The following SDC3 variants were observed in gnomAD, a reference collection of about 807,000 sequenced individuals.
SDC3 encodes syndecan 3.
SDC3 carries 13 observed loss-of-function variants against 24.4 expected under a neutral mutation model. The ratio of observed to expected loss-of-function variants is 0.53; its 90% CI spans 0.35 to 0.85. The LOEUF is 0.85. SDC3 is among the 40% of genes least tolerant of loss of function. The pLI is 0.01. For missense variants in SDC3, 571 were observed against 584.5 expected, an observed-to-expected ratio of 0.98 and a Z score of 0.24; for synonymous variants, 295 against 260.9, an observed-to-expected ratio of 1.13 and a Z score of -1.26.
chr1:30,894,161 GTGT>G (rs1639949976), intron 1 of SDC3, among the ~76,000 whole-genome samples: 1 of 142,186 alleles, frequency 7.0e-6, no homozygotes, highest in African/African-American at 2.5e-5. Context: ...GTGAGTGTGC[GTGT>G]GTGTGAGTGG....
At chr1:30,881,031 AC>A (rs1355024529) in intron 1 of SDC3, among the ~76,000 whole-genome samples, 30 of 146,994 alleles carry the variant, frequency 2.0e-4, no homozygotes, top group East Asian at 8.1e-4. Flanking sequence ...ACGCATGCAC[AC>A]ACACACACAC....
chr1:30,904,110 AG>A (rs1278582262), intron 1 of SDC3, among the ~76,000 whole-genome samples: 1 of 152,076 alleles, frequency 6.6e-6, no homozygotes, highest in Non-Finnish European at 1.5e-5. Context: ...CTGTAATCCC[AG>A]CTACTTGGGA....
intron 1 of SDC3, among the ~76,000 whole-genome samples, chr1:30,882,967 C>T (rs906360039): frequency 2.6e-5 from 4 of 152,198 alleles, no homozygotes; most frequent in African/African-American, 9.7e-5. Flanking sequence ...CAGGACCCGA[C>T]ACCAAGTGAA....
intron 1 of SDC3, among the ~76,000 whole-genome samples, chr1:30,883,908 C>T (rs752058843): frequency 4.6e-5 from 7 of 152,168 alleles, no homozygotes; most frequent in Admixed American, 1.3e-4. Context: ...CTGCAGGCTC[C>T]GTCCCCAAAA....
chr1:30,882,261 A>G (rs989606665), intron 1 of SDC3, among the ~76,000 whole-genome samples: 3 of 152,194 alleles, frequency 2.0e-5, no homozygotes, highest in Non-Finnish European at 2.9e-5. Context: ...AAGTGCACAC[A>G]CACATCGGGA....
At position 30,870,184 on chromosome 1, in the gene SDC3, G is replaced by A. The variant is rs925455510; in HGVS notation, c.*3027C>T. 2 of 338,714 alleles carry A rather than the reference G, an allele frequency of 5.9e-6. No individual in the cohort carries two copies. The highest frequency in any genetic ancestry group is 2.1e-5 in the African/African-American group (1 of 47,458). The allele number at this position is 338,714 out of a possible 1,614,324, so 21.0% of individuals were successfully genotyped here. A position where few individuals can be genotyped will look rare whatever the true frequency, so the allele number is the denominator to read the frequency against. On this transcript the variant is annotated 3_prime_UTR_variant, in exon 5 of 5. Transcript: ENST00000339394. ...ACAGGCGGCTTTGCCAACCCCAGGGGGGTTTGGCCCACACACCCTAAGCCC... is the reference window on the plus strand; with the variant it reads ...ACAGGCGGCTTTGCCAACCCCAGGGAGGTTTGGCCCACACACCCTAAGCCC...
At chr1:30,877,275 T>A in intron 2 of SDC3, 110 bp from the exon 3 acceptor site, 2 of 1,382,122 alleles carry the variant, frequency 1.4e-6, no homozygotes, top group Non-Finnish European at 2.0e-6. Context: ...ACCCCCTCTC[T>A]TTACCCAATT....
chr1:30,889,746 C>T (rs1386958906), intron 1 of SDC3, among the ~76,000 whole-genome samples: 1 of 152,204 alleles, frequency 6.6e-6, no homozygotes, highest in Non-Finnish European at 1.5e-5. Context: ...TCACACACCA[C>T]TGGTGGGAAT....
intron 1 of SDC3, among the ~76,000 whole-genome samples, chr1:30,905,339 A>ACT (rs1220745763): frequency 5.1e-5 from 1 of 19,456 alleles, no homozygotes; most frequent in Non-Finnish European, 9.5e-5. Context: ...CCCCATCCGT[A>ACT]CTCTCTCTCT....
Position 30,902,312 on chromosome 1 carries a change from C to T in SDC3, c.138+6137G>A, listed in dbSNP as rs138598982. Among the ~76,000 whole-genome samples the T allele has an allele frequency of 2.8e-3, 424 of 152,338 alleles. 3 individuals are homozygous for T. Among genetic ancestry groups the T allele is most frequent in the African/African-American group, 9.6e-3 (401 of 41,568 alleles). On this transcript the variant is annotated intron_variant, in intron 1 of 4. Transcript: ENST00000339394. Reference sequence around the variant, plus strand: ...GCTCAGGCTCCCCCTGTAATCACGGCTTCCTGTTTGGCGCTGAGACTGGGC... The same window carrying T: ...GCTCAGGCTCCCCCTGTAATCACGGTTTCCTGTTTGGCGCTGAGACTGGGC...
At position 30,869,588 on chromosome 1, in the gene SDC3, G is replaced by C; in HGVS notation, c.*3623C>G. The C allele has an allele frequency of 2.5e-6, 1 of 396,244 alleles. No individual in the cohort carries two copies. Among genetic ancestry groups the C allele is most frequent in the Non-Finnish European group, 4.4e-6 (1 of 225,548 alleles). The allele number at this position is 396,244 out of a possible 1,614,324, so 24.5% of individuals were successfully genotyped here. ...AAAAACAAAACCAGTTCCTTCACAA[G>C]GCTGGAACAGGAGAGTACCCGCAGT... is the stretch of plus-strand genomic sequence containing the variant. On this transcript the variant is annotated 3_prime_UTR_variant, in exon 5 of 5. Coordinates refer to ENST00000339394, the MANE Select transcript of SDC3 (RefSeq NM_014654.4).
Position 30,870,077 on chromosome 1 carries a change from G to C in SDC3, c.*3134C>G. The stretch of plus-strand genomic sequence containing the variant: ...TGTAGTTGTTGGGAGAAGAAATCCA[G>C]AGAACACAGGAGGCAGCCACTCCTA... On this transcript the variant is annotated 3_prime_UTR_variant, in exon 5 of 5. Coordinates refer to ENST00000339394, the MANE Select transcript of SDC3 (RefSeq NM_014654.4). The C allele has an allele frequency of 2.5e-6, 1 of 396,512 alleles. No homozygotes were observed. Among genetic ancestry groups the C allele is most frequent in the Non-Finnish European group, 4.4e-6 (1 of 225,324 alleles). 24.6% of individuals were successfully genotyped at this position (396,512 alleles called of 1,614,324 possible).
At chr1:30,885,651 A>G (rs946621802) in intron 1 of SDC3, among the ~76,000 whole-genome samples, 3 of 152,214 alleles carry the variant, frequency 2.0e-5, no homozygotes, top group African/African-American at 7.2e-5. Context: ...GGGAGCTGGC[A>G]GGGCCCACGG....
At chr1:30,874,134 G>A (rs1316079395) in intron 4 of SDC3, among the ~76,000 whole-genome samples, 163 bp downstream of exon 4, 1 of 152,130 alleles carries the variant, frequency 6.6e-6, no homozygotes, top group Admixed American at 6.5e-5. Flanking sequence ...GAGCCAGAAG[G>A]CAGGTCCTGG....
At chr1:30,909,632 T>C (rs777905658), upstream of SDC3, among the ~76,000 whole-genome samples, 1 of 152,196 alleles carries the variant, frequency 6.6e-6, no homozygotes, top group Non-Finnish European at 1.5e-5. Context: ...AAGTCTCCAA[T>C]GGCGTGTTAG....
chr1:30,877,636 G>T (rs1354141809), intron 2 of SDC3: 1 of 203,224 alleles, frequency 4.9e-6, no homozygotes, highest in African/African-American at 2.3e-5. Context: ...AAAGGGAAAA[G>T]AAGCCCTTGA....
chr1:30,872,816 TCTCTGCCCCAAAAAGG>T lies in SDC3; in HGVS notation c.*379_*394del. Reference sequence around the variant, plus strand: ...TGTCCTGGAAACCAGCCTGAGTGCCTCTCTGCCCCAAAAAGGAGATCTCAGTGAGCACTGTGGGTGC... The same window carrying T: ...TGTCCTGGAAACCAGCCTGAGTGCCTAGATCTCAGTGAGCACTGTGGGTGC... On this transcript the variant is annotated 3_prime_UTR_variant, in exon 5 of 5. Transcript: ENST00000339394. 19 of 212,250 alleles carry T rather than the reference TCTCTGCCCCAAAAAGG, an allele frequency of 9.0e-5. No homozygotes were observed. The highest frequency in any genetic ancestry group is 4.2e-4 in the South Asian group (4 of 9,612). The allele number at this position is 212,250 out of a possible 1,614,324, so 13.1% of individuals were successfully genotyped here.
At chr1:30,887,914 T>C (rs1248901111) in intron 1 of SDC3, among the ~76,000 whole-genome samples, 3 of 152,214 alleles carry the variant, frequency 2.0e-5, no homozygotes, top group Non-Finnish European at 4.4e-5. Flanking sequence ...ACAAGAGTTC[T>C]CTCTGATCCC....
At chr1:30,889,821 C>CAA (rs1639880354) in intron 1 of SDC3, among the ~76,000 whole-genome samples, 4 of 152,048 alleles carry the variant, frequency 2.6e-5, no homozygotes, top group African/African-American at 4.8e-5. Context: ...ATGGAGTTTC[C>CAA]ATATGACTCA....
Sources: gnomAD v4.1 joint callset for allele counts (sites outside exome capture counted in the v4.1 genomes callset) on GRCh38, gnomAD v4.1.1 for gene constraint, MANE v1.5 for transcripts, NCBI Gene and HGNC (gene_info 2026-07-23, HGNC 2026-07-21) for gene names.